SPIDR: variants seen among roughly 807,000 people sequenced by gnomAD.
SPIDR encodes the protein DNA repair-scaffolding protein.
A neutral mutation model predicts 104.6 loss-of-function variants in SPIDR; 93 were observed. The ratio of observed to expected loss-of-function variants is 0.89; its 90% CI spans 0.75 to 1.06. SPIDR has a LOEUF of 1.06. Among genes scored for constraint, SPIDR ranks in the 50% least tolerant of loss-of-function variants. The probability of loss-of-function intolerance (pLI) is 0.00; values close to 1 mark genes in which losing one functional copy is unlikely to be tolerated. For missense variants in SPIDR, 1,154 were observed against 1,111.2 expected (o/e 1.04, Z -0.55); for synonymous variants, 431 against 416.9 (o/e 1.03, Z -0.41).
At chr8:47,384,486 A>T (rs1246140835) in intron 5 of SPIDR, among the ~76,000 whole-genome samples, 2 of 152,198 alleles carry the variant, frequency 1.3e-5, no homozygotes, top group African/African-American at 4.8e-5. Context: ...TGGTATCCGC[A>T]GGCTGTAGTG....
intron 10 of SPIDR, chr8:47,659,711 C>G: frequency 1.0e-6 from 1 of 985,262 alleles, no homozygotes; most frequent in Non-Finnish European, 1.2e-6. Flanking sequence ...TCTTCTGTCC[C>G]CATGCTCCCT....
chr8:47,673,668 C>A, intron 10 of SPIDR, 133 bp from the exon 11 acceptor site: 25 of 1,197,684 alleles, frequency 2.1e-5, no homozygotes, highest in East Asian at 1.0e-4. Flanking sequence ...CTTGGTTTTT[C>A]TTTACTTTCT....
At chr8:47,400,744 T>G (rs1185596728) in intron 6 of SPIDR, among the ~76,000 whole-genome samples, 1 of 151,748 alleles carries the variant, frequency 6.6e-6, no homozygotes, top group Middle Eastern at 3.2e-3. Context: ...AATGCAAAAT[T>G]GTTAGATATT....
intron 7 of SPIDR, among the ~76,000 whole-genome samples, chr8:47,421,413 G>A (rs1554680423): frequency 1.3e-5 from 2 of 152,120 alleles, no homozygotes; most frequent in African/African-American, 4.8e-5. Flanking sequence ...GGCCACTGAG[G>A]CTTGTGGGTT....
chr8:47,310,020 C>A (rs2043832740), intron 5 of SPIDR, among the ~76,000 whole-genome samples: 1 of 147,796 alleles, frequency 6.8e-6, no homozygotes, highest in African/African-American at 2.5e-5. Context: ...GCCTGGGCGA[C>A]AGACTCTGTC....
chr8:47,556,863 C>T (rs890022192), intron 8 of SPIDR, among the ~76,000 whole-genome samples: 1 of 151,878 alleles, frequency 6.6e-6, no homozygotes, highest in Non-Finnish European at 1.5e-5. Context: ...TTCGGCCTCC[C>T]AAAATGCTGA....
chr8:47,683,233 G>T (rs981199255), intron 11 of SPIDR, among the ~76,000 whole-genome samples: 1 of 152,200 alleles, frequency 6.6e-6, no homozygotes, highest in African/African-American at 2.4e-5. Flanking sequence ...TAAAAGTTCT[G>T]CTTTGACTAC....
chr8:47,566,495 G>A (rs1027784124), intron 8 of SPIDR, among the ~76,000 whole-genome samples: 4 of 152,080 alleles, frequency 2.6e-5, no homozygotes, highest in Admixed American at 2.6e-4. Context: ...CTTGCCTCCA[G>A]ACAGTAGGGA....
chr8:47,594,585 C>A (rs1046933761), intron 8 of SPIDR, among the ~76,000 whole-genome samples: 3 of 152,114 alleles, frequency 2.0e-5, no homozygotes, highest in Non-Finnish European at 4.4e-5. Flanking sequence ...TAGGCTGCCC[C>A]TTCCTTGGTC....
At chr8:47,735,262 G>A in intron 19 of SPIDR, 45 bp from the exon 20 acceptor site, 6 of 1,591,644 alleles carry the variant, frequency 3.8e-6, no homozygotes, top group Non-Finnish European at 5.2e-6. Context: ...GGAACAGTAC[G>A]TCCCAGGCTG....
At chr8:47,278,605 A>G (rs1333949521) in intron 1 of SPIDR, among the ~76,000 whole-genome samples, 1 of 151,388 alleles carries the variant, frequency 6.6e-6, no homozygotes, top group South Asian at 2.1e-4. Context: ...GTCACCTCCA[A>G]AGGCCTCATC....
intron 8 of SPIDR, among the ~76,000 whole-genome samples, chr8:47,584,820 C>G (rs561903847): frequency 6.6e-6 from 1 of 152,326 alleles, no homozygotes; most frequent in East Asian, 1.9e-4. Context: ...GTGCCAGACA[C>G]TGCACCCACC....
At chr8:47,286,990 C>G (rs1366542880) in intron 3 of SPIDR, among the ~76,000 whole-genome samples, 1 of 152,066 alleles carries the variant, frequency 6.6e-6, no homozygotes, top group Non-Finnish European at 1.5e-5. Flanking sequence ...TGTATTTTCC[C>G]TAAGTGTCGG....
At chr8:47,345,117 T>G (rs2051634599) in intron 5 of SPIDR, among the ~76,000 whole-genome samples, 1 of 152,230 alleles carries the variant, frequency 6.6e-6, no homozygotes, top group South Asian at 2.1e-4. Context: ...AAGTCTTTAA[T>G]CCATCTTGAA....
In SPIDR at chr8:47,629,117, G is replaced by A. The variant is rs548182352; in HGVS notation, c.1544+29921G>A. Among the ~76,000 whole-genome samples, 26 of 152,268 alleles carry A rather than the reference G, an allele frequency of 1.7e-4. No individual in the cohort carries two copies. The South Asian group carries it at 3.9e-3, about 23-fold the overall frequency. On this transcript the variant is annotated intron_variant, in intron 10 of 19. Coordinates refer to ENST00000297423, the MANE Select transcript of SPIDR (RefSeq NM_001080394.4). ...GCTAGATGACTTAAGGAAAAGTTTC[G>A]TTTGATTCTTCCTGATGCTGTCTTT...
rs1588191427 is a variant in SPIDR at position 47,595,911 on chromosome 8, G to A, written c.1198G>A (p.Val400Met). Residue 400 changes from valine (V) to methionine (M), a missense_variant, in exon 9 of 20, where the codon GTG (valine) becomes ATG (methionine). Val to Met is a conservative substitution (Grantham distance 21). Transcript: ENST00000297423. Reference sequence around the variant, plus strand: ...AGAAGATTCAGAAAAAACTTGTGAAGTGTACTGTCCGGACATACCCCTTCC... The same window carrying A: ...AGAAGATTCAGAAAAAACTTGTGAAATGTACTGTCCGGACATACCCCTTCC... ...AKEDSEKTCE[V>M]YCPDIPLPRR... 6.2e-7 allele frequency: 1 copy of A among 1,614,206 alleles called. No homozygotes were observed. Among genetic ancestry groups the A allele is most frequent in the East Asian group, 2.2e-5 (1 of 44,886 alleles).
At chr8:47,333,747 T>C (rs2049188367) in intron 5 of SPIDR, among the ~76,000 whole-genome samples, 1 of 152,240 alleles carries the variant, frequency 6.6e-6, no homozygotes, top group Non-Finnish European at 1.5e-5. Flanking sequence ...TTACAACAGC[T>C]TCACCATGAA....
chr8:47,261,328 T>G (rs896309005), intron 1 of SPIDR, among the ~76,000 whole-genome samples: 1 of 152,214 alleles, frequency 6.6e-6, no homozygotes, highest in Non-Finnish European at 1.5e-5. Context: ...TCTGGTGTAA[T>G]GTACCAAACC....
intron 8 of SPIDR, among the ~76,000 whole-genome samples, chr8:47,584,619 A>T (rs954123636): frequency 6.6e-6 from 1 of 152,212 alleles, no homozygotes. Flanking sequence ...TAATATTGGT[A>T]TGTTTATCTG....
Sources: allele counts gnomAD v4.1 joint callset (sites outside exome capture counted in the v4.1 genomes callset), GRCh38; gene constraint gnomAD v4.1.1; transcripts MANE v1.5; gene names NCBI Gene and HGNC (gene_info 2026-07-23, HGNC 2026-07-21).